Variants in PLAAT2 observed in about 807,000 individuals in gnomAD.
PLAAT2 encodes phospholipase A and acyltransferase 2, also known as HRAS like suppressor 2.
A neutral mutation model predicts 12.8 loss-of-function variants in PLAAT2; 12 were observed. The observed-to-expected ratio is 0.94, with a 90% CI of 0.60 to 1.52. The LOEUF (loss-of-function observed/expected upper bound fraction) is 1.52. Among genes scored for constraint, PLAAT2 ranks in the 40% most tolerant of loss-of-function variants. PLAAT2 has a pLI of 0.00. For synonymous variants in PLAAT2, 79 were observed against 86.8 expected, an observed-to-expected ratio of 0.91 and a Z score of 0.50; for missense variants, 166 against 208.1, an observed-to-expected ratio of 0.80 and a Z score of 1.24.
chr11:63,558,859 C>T (rs1230908124), intron 2 of PLAAT2, among the ~76,000 whole-genome samples, 199 bp from the exon 3 acceptor site: 1 of 152,246 alleles, frequency 6.6e-6, no homozygotes, highest in Non-Finnish European at 1.5e-5. Flanking sequence ...CTGGTTTCCT[C>T]ATTTCTAAAG....
intron 3 of PLAAT2, among the ~76,000 whole-genome samples, chr11:63,553,473 T>G (rs1420982038): frequency 3.4e-5 from 5 of 148,776 alleles, no homozygotes; most frequent in African/African-American, 1.2e-4. Context: ...GACCCCCATC[T>G]CTACAAAAAA....
chr11:63,563,752 A>G (rs1235898245), upstream of PLAAT2, among the ~76,000 whole-genome samples: 4 of 151,270 alleles, frequency 2.6e-5, no homozygotes, highest in Admixed American at 1.3e-4. Flanking sequence ...ACATAGATCA[A>G]GGTTCATGTA....
chr11:63,554,078 G>A (rs1414728619), intron 3 of PLAAT2, among the ~76,000 whole-genome samples: 1 of 150,802 alleles, frequency 6.6e-6, no homozygotes, highest in African/African-American at 2.4e-5. Flanking sequence ...AGCTAGCCGA[G>A]ACAGTCTGCT....
At chr11:63,563,061 A>G (rs2017532324) in intron 1 of PLAAT2, among the ~76,000 whole-genome samples, 1 of 152,212 alleles carries the variant, frequency 6.6e-6, no homozygotes, top group Non-Finnish European at 1.5e-5. Flanking sequence ...GAGGGCTTGG[A>G]AAAGCATAAA....
At chr11:63,563,732 A>AC (rs1288183377), upstream of PLAAT2, among the ~76,000 whole-genome samples, 1 of 151,734 alleles carries the variant, frequency 6.6e-6, no homozygotes, top group East Asian at 1.9e-4. Flanking sequence ...AAAAAAAAAA[A>AC]AAAAACAGAA....
At chr11:63,561,017 G>A (rs530274840) in intron 1 of PLAAT2, among the ~76,000 whole-genome samples, 15 of 152,132 alleles carry the variant, frequency 9.9e-5, no homozygotes, top group East Asian at 5.8e-4. Flanking sequence ...TTCTGTTTCC[G>A]GTATGCTCTG....
chr11:63,552,892 C>A lies in PLAAT2; in HGVS notation c.*72G>T. ...ACACAAAACAGTAAAATCAGTAAAC[C>A]AAACTCCACTCCTGCTGGCTAAATA... On this transcript the variant is annotated 3_prime_UTR_variant, in exon 4 of 4. Transcript: ENST00000255695. The A allele has an allele frequency of 2.0e-6, 2 of 1,017,596 alleles. No individual in the cohort carries two copies. The highest frequency in any genetic ancestry group is 3.1e-6 in the Non-Finnish European group (2 of 648,114). 63.0% of individuals were successfully genotyped at this position (1,017,596 alleles called of 1,614,324 possible).
intron 2 of PLAAT2, among the ~76,000 whole-genome samples, chr11:63,559,496 T>G (rs1283542269): frequency 6.8e-6 from 1 of 146,634 alleles, no homozygotes; most frequent in Non-Finnish European, 1.5e-5. Context: ...AAAGCCCTTC[T>G]CATCTTGGGA....
chr11:63,559,126 T>C (rs140771767), intron 2 of PLAAT2, among the ~76,000 whole-genome samples: 58 of 152,190 alleles, frequency 3.8e-4, no homozygotes, highest in Non-Finnish European at 6.0e-4. Flanking sequence ...ATGCTAAAAC[T>C]CCTGTCTCTA....
intron 1 of PLAAT2, 55 bp from the exon 2 acceptor site, chr11:63,560,248 T>C (rs2134373374): frequency 7.3e-7 from 1 of 1,371,858 alleles, no homozygotes; most frequent in Non-Finnish European, 1.0e-6. Flanking sequence ...GGAAACATTC[T>C]AGGGCCTGAC....
chr11:63,555,560 C>A (rs781730259), intron 3 of PLAAT2, among the ~76,000 whole-genome samples: 2 of 152,064 alleles, frequency 1.3e-5, no homozygotes, highest in South Asian at 2.1e-4. Flanking sequence ...GGTGTGGTGG[C>A]GTGTGCCTGT....
In PLAAT2 at chr11:63,563,355, C is replaced by T. The variant is rs778801683; in HGVS notation, c.-31G>A. The T allele has an allele frequency of 6.2e-7, 1 of 1,613,886 alleles. No homozygotes were observed. The highest frequency in any genetic ancestry group is 1.3e-5 in the African/African-American group (1 of 74,922). ...CTTCAAGATGATGTCTTGTGTGTTG[C>T]TGACTCTGTGTCCAGCCTTAAATTA... On this transcript the variant is annotated 5_prime_UTR_variant, in exon 1 of 4. Coordinates refer to ENST00000255695, the MANE Select transcript of PLAAT2 (RefSeq NM_017878.2).
chr11:63,561,636 C>T (rs187344337), intron 1 of PLAAT2, among the ~76,000 whole-genome samples: 1,048 of 103,792 alleles, frequency 0.01, 19 homozygotes, highest in African/African-American at 0.037. Context: ...TAGAGTGAGA[C>T]TCCATCACAA....
At chr11:63,558,239 A>G (rs144520539) in intron 3 of PLAAT2, among the ~76,000 whole-genome samples, 153 bp downstream of exon 3, 1 of 151,984 alleles carries the variant, frequency 6.6e-6, no homozygotes, top group African/African-American at 2.4e-5. Context: ...CCCCACCCCA[A>G]ATGTGACACC....
At chr11:63,556,283 G>A (rs373989707) in intron 3 of PLAAT2, among the ~76,000 whole-genome samples, 1 of 152,124 alleles carries the variant, frequency 6.6e-6, no homozygotes, top group Non-Finnish European at 1.5e-5. Flanking sequence ...CAACAAGAGA[G>A]GCTCCAGGAC....
chr11:63,557,979 T>C (rs985995770), intron 3 of PLAAT2, among the ~76,000 whole-genome samples: 1 of 152,106 alleles, frequency 6.6e-6, no homozygotes. Context: ...AGAGAACACA[T>C]GTAGGTTTAA....
chr11:63,565,035 G>A (rs2017550722), upstream of PLAAT2, among the ~76,000 whole-genome samples: 1 of 152,084 alleles, frequency 6.6e-6, no homozygotes, highest in South Asian at 2.1e-4. Flanking sequence ...GGAGCTATAG[G>A]AAAGGAGAGT....
At chr11:63,563,837 A>G (rs1590672636), upstream of PLAAT2, among the ~76,000 whole-genome samples, 1 of 152,134 alleles carries the variant, frequency 6.6e-6, no homozygotes. Flanking sequence ...AGCCAGACAG[A>G]AGAGGAATCA....
intron 2 of PLAAT2, 47 bp from the exon 3 acceptor site, chr11:63,558,707 G>A: frequency 6.2e-7 from 1 of 1,600,376 alleles, no homozygotes; most frequent in Non-Finnish European, 8.5e-7. Context: ...GGGGGGCTCA[G>A]AGCTGGAAGC....
Sources: gnomAD v4.1 joint callset for allele counts (sites outside exome capture counted in the v4.1 genomes callset) on GRCh38, gnomAD v4.1.1 for gene constraint, MANE v1.5 for transcripts, NCBI Gene and HGNC (gene_info 2026-07-23, HGNC 2026-07-21) for gene names.